The following TAF1C variants were observed in gnomAD, a reference collection of about 807,000 sequenced individuals.
The protein encoded by TAF1C is TATA box-binding protein-associated factor RNA polymerase I subunit C.
TAF1C carries 79 observed loss-of-function variants against 70.5 expected under a neutral mutation model. That is an observed-to-expected ratio of 1.12 (90% CI 0.93 to 1.35). The LOEUF is 1.35. TAF1C is among the 40% of genes most tolerant of loss of function. The pLI is 0.00. For missense variants in TAF1C, 1,412 were observed against 1,127.8 expected (o/e 1.25, Z -3.61); for synonymous variants, 614 against 491.1 (o/e 1.25, Z -3.31).
chr16:84,184,317 G>A (rs1323908450), intron 2 of TAF1C, among the ~76,000 whole-genome samples: 1 of 152,150 alleles, frequency 6.6e-6, no homozygotes, highest in Non-Finnish European at 1.5e-5. Context: ...CTGCTCCACT[G>A]TCTCTCTTTT....
intron 11 of TAF1C, 57 bp from the exon 12 acceptor site, chr16:84,181,243 C>A: frequency 6.3e-7 from 1 of 1,596,678 alleles, no homozygotes; most frequent in Admixed American, 1.7e-5. Flanking sequence ...TGACGCTGTC[C>A]TCGCCCAGGC....
Position 84,178,845 on chromosome 16 carries a change from G to T in TAF1C, c.*96C>A. ...CACAGTGGCCTCCAGAAGGTGGCGA[G>T]CTCTGCTTCTCAAGTTTCAACTGTG... On this transcript the variant is annotated 3_prime_UTR_variant, in exon 15 of 15. Coordinates refer to ENST00000566732, the MANE Select transcript of TAF1C (RefSeq NM_001243156.2). 2.2e-6 allele frequency: 3 copies of T among 1,379,640 alleles called. No individual in the cohort carries two copies. Among genetic ancestry groups the T allele is most frequent in the South Asian group, 2.9e-5 (2 of 70,046 alleles). 85.5% of individuals were successfully genotyped at this position (1,379,640 alleles called of 1,614,324 possible). A position where few individuals can be genotyped will look rare whatever the true frequency, so the allele number is the denominator to read the frequency against.
At chr16:84,180,994 A>G (rs772098453) in intron 12 of TAF1C, 49 bp downstream of exon 12, 1 of 1,564,430 alleles carries the variant, frequency 6.4e-7, no homozygotes, top group Non-Finnish European at 8.7e-7. Context: ...TCTAGTGACC[A>G]TCTGAGACAG....
Position 84,183,707 on chromosome 16 carries a change from A to T in TAF1C, c.210T>A (p.Pro70=). 6.2e-7 allele frequency: 1 copy of T among 1,612,056 alleles called. No individual in the cohort carries two copies. The highest frequency in any genetic ancestry group is 8.5e-7 in the Non-Finnish European group (1 of 1,178,792). ...PATPGPLPML[P]PLIDPWDPGL... is the part of the protein sequence containing the mutation. ...GAATGAGACCCTTACCGATGAGGGG[A>T]GGCAGCATGGGGAGAGGCCCAGGGG... is the stretch of plus-strand genomic sequence containing the variant. The change falls in exon 3 of 15, where the codon CCT becomes CCA. Residue 70 remains proline, a synonymous_variant. Transcript: ENST00000566732.
intron 12 of TAF1C, 199 bp from the exon 13 acceptor site, chr16:84,180,543 A>C: frequency 1.6e-6 from 1 of 625,798 alleles, no homozygotes; most frequent in Non-Finnish European, 2.6e-6. Flanking sequence ...TCTGACCGAC[A>C]GTCCGGTGGA....
chr16:84,177,953 T>A lies in TAF1C; in HGVS notation c.*988A>T, dbSNP rs1270882111. On this transcript the variant is annotated 3_prime_UTR_variant, in exon 15 of 15. Coordinates refer to ENST00000566732, the MANE Select transcript of TAF1C (RefSeq NM_001243156.2). ...GTGTATGATTGGGCTAGCTCCTGTT[T>A]GTGTGAGTCACATGCAATTCCTTTC... 2.1e-5 allele frequency: 19 copies of A among 896,906 alleles called. 1 individual carries two copies. The highest frequency in any genetic ancestry group is 1.6e-5 in the Non-Finnish European group (9 of 553,580). 55.6% of individuals were successfully genotyped at this position (896,906 alleles called of 1,614,324 possible). A position where few individuals can be genotyped will look rare whatever the true frequency, so the allele number is the denominator to read the frequency against.
In TAF1C at chr16:84,182,661, A is replaced by T. The variant is rs145916293; in HGVS notation, c.483-221T>A. On this transcript the variant is annotated intron_variant, in intron 6 of 14. Coordinates refer to ENST00000566732, the MANE Select transcript of TAF1C (RefSeq NM_001243156.2). The surrounding 1 kb of genome is among the most constrained non-coding windows in gnomAD (Gnocchi z 5.0). ...GCCCTTGCCACAGTGACTGGTTCAC[A>T]GATGGGTGTGAGACCCAAGCCAAGC... Among the ~76,000 whole-genome samples, 22 of 152,366 alleles carry T rather than the reference A, an allele frequency of 1.4e-4. 1 individual carries two copies. Among genetic ancestry groups the T allele is most frequent in the African/African-American group, 4.8e-4 (20 of 41,598 alleles).
rs552752231 is a variant in TAF1C at position 84,180,231 on chromosome 16, G to A, written c.1422C>T (p.Ser474=). Residue 474 remains serine (S), a synonymous_variant, in exon 13 of 15, where the codon AGC becomes AGT. Transcript: ENST00000566732. ...CTCCGAGGAGCAGGGGCTGCACGCA[G>A]CTGGGCCGGGGCGGAGGCAGCAGTC... is the stretch of plus-strand genomic sequence containing the variant. The part of the protein sequence containing the change: ...LARLLPPPRP[S]CVQPLLLGGQ... 2.6e-6 allele frequency: 4 copies of A among 1,539,872 alleles called. No individual in the cohort carries two copies. Among genetic ancestry groups the A allele is most frequent in the South Asian group, 2.4e-5 (2 of 83,502 alleles).
Position 84,186,997 on chromosome 16 carries a change from G to C in TAF1C, c.-169C>G, listed in dbSNP as rs1002863558. 1 of 152,198 alleles carries C rather than the reference G, an allele frequency of 6.6e-6. No individual in the cohort carries two copies. Among genetic ancestry groups the C allele is most frequent in the Middle Eastern group, 3.2e-3 (1 of 316 alleles). The allele number at this position is 152,198 out of a possible 1,614,324, so 9.4% of individuals were successfully genotyped here. On this transcript the variant is annotated 5_prime_UTR_variant, in exon 1 of 15. Transcript: ENST00000566732. ...GAGGGAAATCTCAAGTAGAACCCCA[G>C]CTTTGGCACTCGGGACGGGTCAGCC... is the stretch of plus-strand genomic sequence containing the variant.
rs916107045 is a variant in TAF1C, at chr16:84,178,501, G to A, written c.*440C>T. On this transcript the variant is annotated 3_prime_UTR_variant, in exon 15 of 15. Coordinates refer to ENST00000566732, the MANE Select transcript of TAF1C (RefSeq NM_001243156.2). ...CCCACAACAGCAGCTGCCAACGGCCGCTGTGCCCACCTCATCAGCAGCTCT... is the reference window on the plus strand; with the variant it reads ...CCCACAACAGCAGCTGCCAACGGCCACTGTGCCCACCTCATCAGCAGCTCT... 2.0e-4 allele frequency: 93 copies of A among 461,688 alleles called. No homozygotes were observed. Among genetic ancestry groups the A allele is most frequent in the Admixed American group, 2.0e-3 (84 of 42,726 alleles). 28.6% of individuals were successfully genotyped at this position (461,688 alleles called of 1,614,324 possible).
At chr16:84,180,587 G>A (rs1597545142) in intron 12 of TAF1C, 1 of 584,168 alleles carries the variant, frequency 1.7e-6, no homozygotes, top group East Asian at 3.3e-5. Context: ...GTGCTCAGAA[G>A]AGGTGTGGGG....
In TAF1C at chr16:84,181,075, G is replaced by C; in HGVS notation, c.1276C>G (p.Leu426Val). The change falls in exon 12 of 15, where the codon CTC becomes GTC. Residue 426 changes from leucine to valine, a missense_variant. Physicochemically the swap from Leu to Val is conservative, Grantham distance 32 (BLOSUM62 1). Coordinates refer to ENST00000566732, the MANE Select transcript of TAF1C (RefSeq NM_001243156.2). ...QYLGHSSPKC[L>V]PPTLHLVCTQ... is the part of the protein sequence containing the mutation. ...CAGACGAGATGAAGAGTAGGGGGGAGGCATTTGGGGCTGGAGTGCCCCAGG... is the reference window on the plus strand; with the variant it reads ...CAGACGAGATGAAGAGTAGGGGGGACGCATTTGGGGCTGGAGTGCCCCAGG... The C allele has an allele frequency of 1.2e-6, 2 of 1,612,126 alleles. No individual in the cohort carries two copies. Among genetic ancestry groups the C allele is most frequent in the South Asian group, 2.2e-5 (2 of 91,054 alleles).
At chr16:84,180,400 T>A in intron 12 of TAF1C, 56 bp from the exon 13 acceptor site, 1 of 1,502,874 alleles carries the variant, frequency 6.7e-7, no homozygotes, top group Non-Finnish European at 8.8e-7. Flanking sequence ...AGCTGTGTAG[T>A]GGCCCTCCAG....
At position 84,179,589 on chromosome 16, in the gene TAF1C, T is replaced by G. The variant is rs571479655; in HGVS notation, c.1884A>C (p.Thr628=). The change falls in exon 15 of 15, where the codon ACA becomes ACC. Residue 628 remains threonine (T), a synonymous_variant. Transcript: ENST00000566732. ...LKVPLAPPVW[T]APTFTHRQML... is the part of the protein sequence containing the mutation. Reference sequence around the variant, plus strand: ...TCTGGCGGTGGGTGAAGGTGGGTGCTGTCCACACAGGAGGAGCCAGGGGCA... The same window carrying G: ...TCTGGCGGTGGGTGAAGGTGGGTGCGGTCCACACAGGAGGAGCCAGGGGCA... 3.7e-6 allele frequency: 6 copies of G among 1,612,738 alleles called. No homozygotes were observed. The East Asian group carries it at 1.3e-4, about 36-fold the overall frequency.
chr16:84,185,857 G>T (rs1174106333), intron 1 of TAF1C, among the ~76,000 whole-genome samples: 1 of 152,040 alleles, frequency 6.6e-6, no homozygotes, highest in South Asian at 2.1e-4. Flanking sequence ...CTGAGATCGC[G>T]CCATTGCACT....
At position 84,183,080 on chromosome 16, in the gene TAF1C, A is replaced by C; in HGVS notation, c.478T>G (p.Trp160Gly). 6.2e-7 allele frequency: 1 copy of C among 1,614,032 alleles called. No individual in the cohort carries two copies. Among genetic ancestry groups the C allele is most frequent in the South Asian group, 1.1e-5 (1 of 91,084 alleles). Residue 160 changes from tryptophan (W) to glycine (G), a missense_variant, in exon 6 of 15, where the codon TGG becomes GGG. Coordinates refer to ENST00000566732, the MANE Select transcript of TAF1C (RefSeq NM_001243156.2). Reference sequence around the variant, plus strand: ...CCTTTCTCATCAGCCACTTGCCCCCAGGGCTGGTGTCCACCGAGGTCCTGG... The same window carrying C: ...CCTTTCTCATCAGCCACTTGCCCCCCGGGCTGGTGTCCACCGAGGTCCTGG... ...LLQDLGGHQP[W>G]GCPWAYLSNR...
At chr16:84,181,533 G>C (rs2089193312) in intron 10 of TAF1C, 59 bp downstream of exon 10, 1 of 1,613,740 alleles carries the variant, frequency 6.2e-7, no homozygotes, top group Non-Finnish European at 8.5e-7. Context: ...GTCGCGACAT[G>C]CTCAACAGGG....
At position 84,182,650 on chromosome 16, in the gene TAF1C, G is replaced by A. The variant is rs770674971; in HGVS notation, c.483-210C>T. On this transcript the variant is annotated intron_variant, in intron 6 of 14. Coordinates refer to ENST00000566732, the MANE Select transcript of TAF1C (RefSeq NM_001243156.2). This position sits in a 1 kb window ranked among gnomAD's most constrained non-coding sequence, Gnocchi z 5.0. ...AATATTCCATTGCCCTTGCCACAGTGACTGGTTCACAGATGGGTGTGAGAC... is the reference window on the plus strand; with the variant it reads ...AATATTCCATTGCCCTTGCCACAGTAACTGGTTCACAGATGGGTGTGAGAC... Among the ~76,000 whole-genome samples, 9 of 152,202 alleles carry A rather than the reference G, an allele frequency of 5.9e-5. No individual in the cohort carries two copies. Among genetic ancestry groups the A allele is most frequent in the Non-Finnish European group, 1.2e-4 (8 of 68,044 alleles).
intron 2 of TAF1C, 24 bp downstream of exon 2, chr16:84,184,827 A>G: frequency 6.3e-7 from 1 of 1,581,982 alleles, no homozygotes; most frequent in Non-Finnish European, 8.6e-7. Flanking sequence ...TGGAGCTGCC[A>G]GGGCCCCCTG....
Sources: gnomAD v4.1 joint callset for allele counts (sites outside exome capture counted in the v4.1 genomes callset) on GRCh38, gnomAD v4.1.1 for gene constraint, Gnocchi (gnomAD v3.1) non-coding constraint, MANE v1.5 for transcripts, NCBI Gene and HGNC (gene_info 2026-07-23, HGNC 2026-07-21) for gene names.